Variants in LRP1B observed in about 807,000 individuals in gnomAD.
LRP1B encodes LDL receptor related protein 1B, also known as low-density lipoprotein receptor-related protein 1B.
In LRP1B, 217 loss-of-function variants were observed where a neutral mutation model predicts 556.6. That is an observed-to-expected ratio of 0.39 (90% CI 0.35 to 0.44). The LOEUF is 0.44. Ranked by LOEUF, LRP1B falls within the 20% of genes least tolerant of loss-of-function variation. The probability of loss-of-function intolerance (pLI) is 1.00; values close to 1 mark genes in which losing one functional copy is unlikely to be tolerated. For synonymous variants in LRP1B, 2,047 were observed against 1,865.8 expected (o/e 1.10, Z -2.50); for missense variants, 5,053 against 5,620.8 (o/e 0.90, Z 3.23).
rs569721377 is a variant in LRP1B, at chr2:140,326,138, A to G, written c.12224-260T>C. On this transcript the variant is annotated intron_variant, in intron 79 of 90. Coordinates refer to ENST00000389484, the MANE Select transcript of LRP1B (RefSeq NM_018557.3). ...TTTCACATAGGAAAGTCTGTCCTAAATATCCCTTCTAGCCATATTTGTGGT... is the reference window on the plus strand; with the variant it reads ...TTTCACATAGGAAAGTCTGTCCTAAGTATCCCTTCTAGCCATATTTGTGGT... Among the ~76,000 whole-genome samples the G allele has an allele frequency of 2.5e-3, 379 of 152,236 alleles. 1 individual carries two copies. Among genetic ancestry groups the G allele is most frequent in the African/African-American group, 8.9e-3 (371 of 41,560 alleles).
chr2:141,408,006 A>G (rs1690702982), intron 3 of LRP1B, among the ~76,000 whole-genome samples: 1 of 152,150 alleles, frequency 6.6e-6, no homozygotes, highest in African/African-American at 2.4e-5. Context: ...AGCATCCAGA[A>G]AGAGGCTCAG....
chr2:140,774,225 G>T (rs1374394967), intron 33 of LRP1B, among the ~76,000 whole-genome samples: 1 of 152,098 alleles, frequency 6.6e-6, no homozygotes, highest in South Asian at 2.1e-4. Context: ...AGTAAAAATG[G>T]TATTTTCATT....
chr2:141,485,161 A>T (rs1683077243), intron 2 of LRP1B, among the ~76,000 whole-genome samples: 1 of 152,136 alleles, frequency 6.6e-6, no homozygotes, highest in Non-Finnish European at 1.5e-5. Flanking sequence ...AGAACTAAAG[A>T]GTTAGTTGGT....
intron 2 of LRP1B, among the ~76,000 whole-genome samples, chr2:141,796,998 GT>G (rs1346023042): frequency 6.6e-6 from 1 of 151,014 alleles, no homozygotes; most frequent in African/African-American, 2.4e-5. Context: ...GTCTCGAGGA[GT>G]TTTTTCCTAT....
chr2:141,480,819 TTGAG>T (rs1682892887), intron 2 of LRP1B, among the ~76,000 whole-genome samples: 1 of 152,186 alleles, frequency 6.6e-6, no homozygotes, highest in African/African-American at 2.4e-5. Flanking sequence ...TGAGGGTTGA[TTGAG>T]TCATTGTTTC....
chr2:140,765,599 A>AT (rs1191759919), intron 35 of LRP1B, among the ~76,000 whole-genome samples: 1 of 152,160 alleles, frequency 6.6e-6, no homozygotes, highest in Non-Finnish European at 1.5e-5. Flanking sequence ...AGAGATAAAA[A>AT]TTCTTTGAAC....
At chr2:141,003,890 A>T (rs1558794369) in intron 15 of LRP1B, among the ~76,000 whole-genome samples, 1 of 152,118 alleles carries the variant, frequency 6.6e-6, no homozygotes, top group Non-Finnish European at 1.5e-5. Flanking sequence ...ACTGGTAGTA[A>T]AAATAAATGC....
At chr2:140,269,104 CTTG>C (rs1244068656) in intron 86 of LRP1B, among the ~76,000 whole-genome samples, 5 of 151,998 alleles carry the variant, frequency 3.3e-5, no homozygotes, top group East Asian at 3.9e-4. Flanking sequence ...GGTGCACACA[CTTG>C]TTGGTGAGTG....
chr2:141,452,524 C>G (rs1573961017), intron 3 of LRP1B, among the ~76,000 whole-genome samples: 1 of 152,146 alleles, frequency 6.6e-6, no homozygotes, highest in African/African-American at 2.4e-5. Context: ...AACTCTACTG[C>G]AAATGTAGTA....
intron 2 of LRP1B, among the ~76,000 whole-genome samples, chr2:141,620,541 G>A (rs561615848): frequency 6.6e-6 from 1 of 152,188 alleles, no homozygotes; most frequent in South Asian, 2.1e-4. Context: ...TTGGATATGA[G>A]AAGGAAATGA....
chr2:140,600,658 T>G (rs1682618302), intron 42 of LRP1B, among the ~76,000 whole-genome samples: 1 of 151,136 alleles, frequency 6.6e-6, no homozygotes, highest in Non-Finnish European at 1.5e-5. Context: ...CATTTAAAAA[T>G]AAAAAGAATT....
intron 2 of LRP1B, among the ~76,000 whole-genome samples, chr2:141,708,085 G>A (rs2105473254): frequency 6.6e-6 from 1 of 152,164 alleles, no homozygotes; most frequent in East Asian, 1.9e-4. Flanking sequence ...GGGGAGTAAA[G>A]GACAAAAGAA....
chr2:141,420,422 T>C (rs1680094376), intron 3 of LRP1B, among the ~76,000 whole-genome samples: 1 of 152,146 alleles, frequency 6.6e-6, no homozygotes, highest in African/African-American at 2.4e-5. Context: ...GCCTCTGAAA[T>C]CTTTTGGAGA....
At chr2:141,059,497 G>A (rs181948774) in intron 8 of LRP1B, among the ~76,000 whole-genome samples, 25 of 151,808 alleles carry the variant, frequency 1.6e-4, no homozygotes, top group African/African-American at 6.0e-4. Flanking sequence ...AAGCACCTCC[G>A]AAGATTTGTT....
At chr2:141,823,453 A>ATAG (rs1217637234) in intron 1 of LRP1B, among the ~76,000 whole-genome samples, 1 of 152,082 alleles carries the variant, frequency 6.6e-6, no homozygotes, top group Admixed American at 6.6e-5. Context: ...GTGTTGGGTG[A>ATAG]TTATACTAAC....
At chr2:141,435,560 A>G (rs1342310415) in intron 3 of LRP1B, among the ~76,000 whole-genome samples, 4 of 152,076 alleles carry the variant, frequency 2.6e-5, no homozygotes, top group Non-Finnish European at 5.9e-5. Flanking sequence ...CTTATAACTT[A>G]CCTTTCCCCT....
At chr2:141,807,812 C>G (rs913381030) in intron 2 of LRP1B, among the ~76,000 whole-genome samples, 2 of 151,972 alleles carry the variant, frequency 1.3e-5, no homozygotes, top group African/African-American at 4.8e-5. Context: ...GAGATTTTGA[C>G]CATTTTGAGT....
intron 35 of LRP1B, among the ~76,000 whole-genome samples, chr2:140,721,536 C>CTTTT (rs10616730): frequency 7.2e-5 from 5 of 69,572 alleles, no homozygotes; most frequent in African/African-American, 1.8e-4. Context: ...CAAAGATGCA[C>CTTTT]TTTTTTTTTT....
At chr2:140,529,240 T>C (rs192258240) in intron 47 of LRP1B, among the ~76,000 whole-genome samples, 6 of 152,142 alleles carry the variant, frequency 3.9e-5, no homozygotes, top group Admixed American at 3.3e-4. Flanking sequence ...AAAACCACTC[T>C]CTCTAATATA....
Sources: gnomAD v4.1 joint callset for allele counts (sites outside exome capture counted in the v4.1 genomes callset) on GRCh38, gnomAD v4.1.1 for gene constraint, MANE v1.5 for transcripts, NCBI Gene and HGNC (gene_info 2026-07-23, HGNC 2026-07-21) for gene names.